IQGAP2: variants seen among roughly 807,000 people sequenced by gnomAD.
The protein encoded by IQGAP2 is ras GTPase-activating-like protein IQGAP2.
IQGAP2 carries 173 observed loss-of-function variants against 201.3 expected under a neutral mutation model. That is an observed-to-expected ratio of 0.86 (90% CI 0.76 to 0.98). IQGAP2 has a LOEUF of 0.98. Ranked by LOEUF, IQGAP2 falls within the 50% of genes least tolerant of loss-of-function variation. The pLI, the probability that IQGAP2 is intolerant of heterozygous loss-of-function variation, is 0.00. For synonymous variants in IQGAP2, 675 were observed against 673.9 expected (o/e 1.00, Z -0.03); for missense variants, 1,687 against 1,864.8 (o/e 0.90, Z 1.76).
chr5:76,564,002 A>G (rs1015095194), intron 3 of IQGAP2, among the ~76,000 whole-genome samples: 4 of 149,080 alleles, frequency 2.7e-5, no homozygotes, highest in Non-Finnish European at 4.4e-5. Context: ...AGTCTGGTCA[A>G]AAAGGTCACT....
In IQGAP2 at chr5:76,644,649, A is replaced by G. The variant is rs188144386; in HGVS notation, c.2094+3546A>G. Reference sequence around the variant, plus strand: ...TTCAAAGTTTCTTTATATCAACTGTATACCCATATTTGCTTATAATAAACA... The same window carrying G: ...TTCAAAGTTTCTTTATATCAACTGTGTACCCATATTTGCTTATAATAAACA... On this transcript the variant is annotated intron_variant, in intron 17 of 35. Transcript: ENST00000274364. Among the ~76,000 whole-genome samples the G allele has an allele frequency of 5.3e-5, 8 of 152,154 alleles. No homozygotes were observed. In the East Asian group the frequency reaches 1.5e-3, roughly 29 times the overall value.
intron 26 of IQGAP2, 44 bp from the exon 27 acceptor site, chr5:76,674,433 G>A: frequency 8.4e-7 from 1 of 1,190,658 alleles, no homozygotes; most frequent in Non-Finnish European, 1.2e-6. Context: ...AAACTCTTGA[G>A]TTTTCTCTCT....
chr5:76,468,516 A>G (rs1407356124), intron 2 of IQGAP2, among the ~76,000 whole-genome samples: 1 of 152,146 alleles, frequency 6.6e-6, no homozygotes, highest in East Asian at 1.9e-4. Flanking sequence ...TCACCTCTCT[A>G]TCCCACCACT....
chr5:76,648,578 G>A (rs1445806735), intron 17 of IQGAP2, among the ~76,000 whole-genome samples: 1 of 152,144 alleles, frequency 6.6e-6, no homozygotes, highest in Non-Finnish European at 1.5e-5. Context: ...ACGGATGTTA[G>A]AATTATCTGA....
At chr5:76,503,438 G>C (rs1757408149) in intron 2 of IQGAP2, among the ~76,000 whole-genome samples, 1 of 151,826 alleles carries the variant, frequency 6.6e-6, no homozygotes, top group Non-Finnish European at 1.5e-5. Context: ...GTGTCCTAAA[G>C]TGCTGGGATT....
intron 2 of IQGAP2, among the ~76,000 whole-genome samples, chr5:76,497,129 A>C (rs532585969): frequency 1.1e-3 from 171 of 152,254 alleles, no homozygotes; most frequent in African/African-American, 4.0e-3. Flanking sequence ...CGCCCGGCCC[A>C]AATCTTTCTA....
chr5:76,598,198 G>A (rs933327974), intron 10 of IQGAP2, among the ~76,000 whole-genome samples: 1 of 152,174 alleles, frequency 6.6e-6, no homozygotes, highest in African/African-American at 2.4e-5. Flanking sequence ...AGAAGGTGGG[G>A]AAACAACTAT....
intron 1 of IQGAP2, among the ~76,000 whole-genome samples, chr5:76,426,539 C>T (rs1424178523): frequency 6.6e-6 from 1 of 152,210 alleles, no homozygotes; most frequent in Non-Finnish European, 1.5e-5. Flanking sequence ...CATCACCATT[C>T]AACAGTTGCT....
chr5:76,426,905 G>GGGGTGTGTGTGTGTGTGT (rs1554054705), intron 1 of IQGAP2, among the ~76,000 whole-genome samples: 7 of 146,586 alleles, frequency 4.8e-5, no homozygotes, highest in African/African-American at 1.8e-4. Context: ...AACCATGGAG[G>GGGGTGTGTGTGTGTGTGT]GTGTGTGTGT....
intron 9 of IQGAP2, among the ~76,000 whole-genome samples, chr5:76,596,902 C>T (rs558743971): frequency 6.6e-6 from 1 of 152,250 alleles, no homozygotes; most frequent in East Asian, 1.9e-4. Flanking sequence ...GCAATATGTC[C>T]GAGTGCTTGC....
chr5:76,598,180 G>A (rs919898368), intron 10 of IQGAP2, among the ~76,000 whole-genome samples: 1 of 152,170 alleles, frequency 6.6e-6, no homozygotes, highest in African/African-American at 2.4e-5. Context: ...AACAAGGCTC[G>A]TATTTCAAGA....
chr5:76,518,090 G>A (rs920122448), intron 2 of IQGAP2, among the ~76,000 whole-genome samples: 1 of 152,054 alleles, frequency 6.6e-6, no homozygotes, highest in Non-Finnish European at 1.5e-5. Context: ...CCAAGTAGTT[G>A]GGACCACCAG....
chr5:76,693,673 T>A (rs1479424694), intron 31 of IQGAP2, among the ~76,000 whole-genome samples: 2 of 152,180 alleles, frequency 1.3e-5, no homozygotes, highest in African/African-American at 4.8e-5. Flanking sequence ...TATACTTTTG[T>A]CTTAACCTAG....
intron 32 of IQGAP2, 39 bp from the exon 33 acceptor site, chr5:76,697,948 C>T (rs776436574): frequency 6.5e-7 from 1 of 1,530,960 alleles, no homozygotes; most frequent in South Asian, 1.2e-5. Flanking sequence ...ATAAAGCAAA[C>T]TTCTGCTTAA....
intron 2 of IQGAP2, among the ~76,000 whole-genome samples, chr5:76,548,283 C>A (rs776380796): frequency 9.9e-5 from 15 of 152,198 alleles, no homozygotes; most frequent in African/African-American, 3.6e-4. Context: ...CCAGTGAACA[C>A]AGCTGTACCC....
chr5:76,454,097 T>C (rs1405116057), intron 1 of IQGAP2, among the ~76,000 whole-genome samples: 2 of 152,090 alleles, frequency 1.3e-5, no homozygotes, highest in Non-Finnish European at 2.9e-5. Flanking sequence ...AAACTGTGTC[T>C]TGAAATTGTA....
chr5:76,682,265 C>G (rs1451885201), intron 28 of IQGAP2, among the ~76,000 whole-genome samples: 1 of 152,132 alleles, frequency 6.6e-6, no homozygotes, highest in Non-Finnish European at 1.5e-5. Context: ...GGAAAAGGAA[C>G]TAGCTTTATC....
intron 5 of IQGAP2, among the ~76,000 whole-genome samples, chr5:76,579,993 AG>A (rs1745729563): frequency 6.6e-6 from 1 of 152,146 alleles, no homozygotes; most frequent in South Asian, 2.1e-4. Context: ...AAACAAATAT[AG>A]GCCAGGTGTT....
At chr5:76,698,189 T>A (rs1746932173) in intron 33 of IQGAP2, 42 bp downstream of exon 33, 2 of 1,428,028 alleles carry the variant, frequency 1.4e-6, no homozygotes, top group South Asian at 2.5e-5. Context: ...ATGTCATGAT[T>A]TCTATGAGAT....
Sources: gnomAD v4.1 joint callset for allele counts (sites outside exome capture counted in the v4.1 genomes callset) on GRCh38, gnomAD v4.1.1 for gene constraint, MANE v1.5 for transcripts, NCBI Gene and HGNC (gene_info 2026-07-23, HGNC 2026-07-21) for gene names.